SPATA22: variants seen among roughly 807,000 people sequenced by gnomAD.
The protein encoded by SPATA22 is spermatogenesis-associated protein 22.
Under a neutral mutation model 47.8 loss-of-function variants are expected in SPATA22, and 29 were observed. The observed-to-expected ratio is 0.61, with a 90% CI of 0.45 to 0.83. The LOEUF is 0.83. Ranked by LOEUF, SPATA22 falls within the 40% of genes least tolerant of loss-of-function variation. SPATA22 has a pLI of 0.00. For synonymous variants in SPATA22, 133 were observed against 140.9 expected, an observed-to-expected ratio of 0.94 and a Z score of 0.40; for missense variants, 410 against 421.7, an observed-to-expected ratio of 0.97 and a Z score of 0.24.
chr17:3,481,936 G>T (rs944570335), intron 1 of SPATA22: 2 of 811,568 alleles, frequency 2.5e-6, no homozygotes, highest in South Asian at 1.9e-5. Context: ...AGGCTTGGTG[G>T]TTGGGGGGAA....
intron 1 of SPATA22, among the ~76,000 whole-genome samples, chr17:3,480,840 G>A (rs1021448187): frequency 6.6e-6 from 1 of 152,238 alleles, no homozygotes; most frequent in Non-Finnish European, 1.5e-5. Flanking sequence ...GAGATTAGAA[G>A]CAAGATGGAG....
In SPATA22 at chr17:3,490,490, G is replaced by A. The variant is rs768803557; in HGVS notation, c.-73-21092C>T. ...ATGGGCAATTATAATAACAGAGGGG[G>A]TGTGTACTTCGGTGTCTGTGGGGAG... On this transcript the variant is annotated intron_variant, in intron 1 of 8. Coordinates refer to the SPATA22 transcript ENST00000541913. The surrounding 1 kb of genome is among the most constrained non-coding windows in gnomAD (Gnocchi z 4.6). 2.0e-5 allele frequency among the ~76,000 whole-genome samples: 3 copies of A among 152,154 alleles called. No individual in the cohort carries two copies.
intron 6 of SPATA22, among the ~76,000 whole-genome samples, chr17:3,448,408 A>G (rs1301449213): frequency 6.6e-6 from 1 of 152,192 alleles, no homozygotes; most frequent in East Asian, 1.9e-4. Context: ...TGCAACAGAG[A>G]CAGTACGGCC....
In SPATA22 at chr17:3,449,161, CA is replaced by C. The variant is rs34414986; in HGVS notation, c.330-13del. The C allele has an allele frequency of 6.3e-4, 901 of 1,424,584 alleles. No individual in the cohort carries two copies. Among genetic ancestry groups the C allele is most frequent in the African/African-American group, 1.8e-3 (122 of 68,090 alleles). The allele number at this position is 1,424,584 out of a possible 1,614,324, so 88.2% of individuals were successfully genotyped here. A position where few individuals can be genotyped will look rare whatever the true frequency, so the allele number is the denominator to read the frequency against. On this transcript the variant is annotated splice_polypyrimidine_tract_variant and intron_variant, in intron 5 of 8. Transcript: ENST00000572969. ...TACCATCTCTGTAGCTGTAATAGTG[CA>C]AAAAAAAAGCATTTGTTTCTATATG...
At chr17:3,498,777 T>C in intron 1 of SPATA22, 1 of 1,054,128 alleles carries the variant, frequency 9.5e-7, no homozygotes, top group Non-Finnish European at 1.3e-6. Flanking sequence ...CTCGCTCAAG[T>C]ATCTCTTTTA....
chr17:3,510,872 C>A lies in SPATA22; in HGVS notation c.-74+2540G>T, dbSNP rs773007859. 2.9e-4 allele frequency: 44 copies of A among 152,280 alleles called. No homozygotes were observed. Among genetic ancestry groups the A allele is most frequent in the Admixed American group, 2.0e-3 (30 of 15,288 alleles). The allele number at this position is 152,280 out of a possible 1,614,324, so 9.4% of individuals were successfully genotyped here. On this transcript the variant is annotated intron_variant, in intron 1 of 8. Transcript: ENST00000541913. Reference sequence around the variant, plus strand: ...ATAAAGGGCTCTCTCAGGCTGGAGCCTTCTAAGAGCCTGAAGACTTCACAG... The same window carrying A: ...ATAAAGGGCTCTCTCAGGCTGGAGCATTCTAAGAGCCTGAAGACTTCACAG...
At chr17:3,455,009 G>A (rs375099275) in intron 5 of SPATA22, among the ~76,000 whole-genome samples, 9 of 151,798 alleles carry the variant, frequency 5.9e-5, no homozygotes, top group Non-Finnish European at 1.3e-4. Context: ...GTGTGAGATG[G>A]TATCTCATTG....
exon 1 of SPATA22, chr17:3,513,662 G>C: frequency 2.5e-6 from 1 of 395,222 alleles, no homozygotes. Context: ...AGGCTCCCAG[G>C]CTCCAGACTG....
chr17:3,505,756 GT>G (rs796099914), intron 1 of SPATA22, among the ~76,000 whole-genome samples: 1 of 24,730 alleles, frequency 4.0e-5, no homozygotes, highest in African/African-American at 6.9e-5. Context: ...GTTGTTTTTT[GT>G]TTTTTTTTTT....
At chr17:3,511,361 T>C (rs2074111110) in intron 1 of SPATA22, 1 of 152,124 alleles carries the variant, frequency 6.6e-6, no homozygotes, top group African/African-American at 2.4e-5. Context: ...AATAAATAAA[T>C]AATGGCTCAG....
Position 3,462,522 on chromosome 17 carries a change from G to A in SPATA22, c.290C>T (p.Ser97Phe). ...PLRSQDSVFN[S>F]IQSNTGRSQG... ...GCTTCTTCCAGTATTTGATTGAATA[G>A]AGTTAAAGACAGAATCTTGACTTCT... is the stretch of plus-strand genomic sequence containing the variant. Residue 97 changes from serine (S) to phenylalanine (F), a missense_variant, in exon 5 of 9, where the codon TCT (serine) becomes TTT (phenylalanine). By Grantham distance (155) the Ser-to-Phe change is radical. Coordinates refer to ENST00000572969, the MANE Select transcript of SPATA22 (RefSeq NM_001170698.2). 1 of 1,612,620 alleles carries A rather than the reference G, an allele frequency of 6.2e-7. No individual in the cohort carries two copies. Among genetic ancestry groups the A allele is most frequent in the South Asian group, 1.1e-5 (1 of 90,598 alleles).
chr17:3,498,603 T>A (rs1055469918), intron 1 of SPATA22, among the ~76,000 whole-genome samples: 8 of 152,126 alleles, frequency 5.3e-5, no homozygotes, highest in African/African-American at 1.9e-4. Context: ...CACATTGGCC[T>A]CCCCAAGTGC....
chr17:3,456,342 G>A (rs367949818), intron 5 of SPATA22, among the ~76,000 whole-genome samples: 14 of 149,630 alleles, frequency 9.4e-5, no homozygotes, highest in East Asian at 2.0e-4. Flanking sequence ...TCAAATAGAC[G>A]CAATAAAAAA....
intron 5 of SPATA22, among the ~76,000 whole-genome samples, chr17:3,456,331 C>A (rs976584764): frequency 2.0e-4 from 30 of 150,712 alleles, no homozygotes; most frequent in East Asian, 1.2e-3. Flanking sequence ...AGAGAGAAGA[C>A]TCAAATAGAC....
intron 1 of SPATA22, chr17:3,498,921 GATCCCATGTTTTTAACTCTTGATGGGA>G: frequency 1.9e-6 from 3 of 1,607,486 alleles, no homozygotes; most frequent in Non-Finnish European, 2.6e-6. Context: ...GCATCCTGGG[GATCCCATGTTTTTAACTCTTGATGGGA>G]AGACGATCCC....
In SPATA22 at chr17:3,498,987, G is replaced by A. The variant is rs141858640; in HGVS notation, c.-74+14425C>T. ...GGGCGGAGACTGTACCGTGTACCCC[G>A]TGTTTGTGAATGAGGCCGCATATTA... On this transcript the variant is annotated intron_variant, in intron 1 of 8. Transcript: ENST00000541913. 1.8e-4 allele frequency: 287 copies of A among 1,614,166 alleles called. 1 individual carries two copies. The highest frequency in any genetic ancestry group is 2.3e-4 in the Non-Finnish European group (269 of 1,180,014).
At position 3,485,627 on chromosome 17, in the gene SPATA22, T is replaced by C. The variant is rs73309192; in HGVS notation, c.-73-16229A>G. Among the ~76,000 whole-genome samples, 1,106 of 152,334 alleles carry C rather than the reference T, an allele frequency of 7.3e-3. 13 individuals are homozygous for C. Among genetic ancestry groups the C allele is most frequent in the African/African-American group, 0.025 (1,023 of 41,576 alleles). On this transcript the variant is annotated intron_variant, in intron 1 of 8. Coordinates refer to the SPATA22 transcript ENST00000541913. This position sits in a 1 kb window ranked among gnomAD's most constrained non-coding sequence, Gnocchi z 4.4. ...ATCAGAAAGGCAAGGGATCTGTTTC[T>C]CCAAAGTGCTTGTGCTACCAGTGAC...
intron 5 of SPATA22, among the ~76,000 whole-genome samples, chr17:3,460,097 A>G (rs925571815): frequency 2.0e-5 from 3 of 152,222 alleles, no homozygotes; most frequent in Non-Finnish European, 2.9e-5. Flanking sequence ...AAATTCATGT[A>G]TTTGTAAAAT....
At chr17:3,471,558 AT>A (rs894560060) in intron 1 of SPATA22, 123 bp downstream of exon 1, 47 of 985,080 alleles carry the variant, frequency 4.8e-5, no homozygotes, top group Non-Finnish European at 4.1e-5. Flanking sequence ...ACGGCCTCAA[AT>A]GGCGGCCTGT....
Sources: gnomAD v4.1 joint callset for allele counts (sites outside exome capture counted in the v4.1 genomes callset) on GRCh38, gnomAD v4.1.1 for gene constraint, Gnocchi (gnomAD v3.1) non-coding constraint, MANE v1.5 for transcripts, NCBI Gene and HGNC (gene_info 2026-07-23, HGNC 2026-07-21) for gene names.